The following PEPD variants were observed in gnomAD, a reference collection of about 807,000 sequenced individuals.
The protein encoded by PEPD is peptidase D.
A neutral mutation model predicts 60.7 loss-of-function variants in PEPD; 53 were observed. The observed-to-expected ratio is 0.87, with a 90% CI of 0.70 to 1.10. The LOEUF is 1.10. PEPD is among the 50% of genes least tolerant of loss of function. PEPD has a pLI of 0.00. For synonymous variants in PEPD, 267 were observed against 284.1 expected (o/e 0.94, Z 0.60); for missense variants, 711 against 711.9 (o/e 1.00, Z 0.01).
intron 3 of PEPD, among the ~76,000 whole-genome samples, chr19:33,505,029 G>A (rs1440597103): frequency 6.6e-6 from 1 of 152,214 alleles, no homozygotes; most frequent in East Asian, 1.9e-4. Flanking sequence ...AGCAACTGTG[G>A]GGGCCACGGG....
At chr19:33,479,543 C>T (rs11084737) in intron 6 of PEPD, among the ~76,000 whole-genome samples, 150,757 of 152,254 alleles carry the variant, frequency 0.99, 74,734 homozygotes, top group Middle Eastern at 1. Context: ...AGTTATTTTG[C>T]TATTTTTCCT....
chr19:33,511,558 C>T, intron 2 of PEPD: 3 of 324,550 alleles, frequency 9.2e-6, no homozygotes, highest in South Asian at 7.9e-5. Flanking sequence ...AAATGGATTC[C>T]TCCATTTAAG....
intron 4 of PEPD, 193 bp from the exon 5 acceptor site, chr19:33,493,530 C>CA: frequency 3.0e-6 from 2 of 671,098 alleles, no homozygotes; most frequent in Admixed American, 4.2e-5. Context: ...GAAAGCCACA[C>CA]AGCCATCGAG....
rs1034769840 is a variant in PEPD, at chr19:33,388,192, C to T, written c.1153-111G>A. On this transcript the variant is annotated intron_variant, in intron 13 of 14. Transcript: ENST00000244137. ...GTGCCAGTCTCGTGGGCTCTCTTGA[C>T]CATTGGGGTCCTCAGCCTAGACTCG... The T allele has an allele frequency of 3.3e-6, 3 of 899,584 alleles. No homozygotes were observed. In the African/African-American group the frequency reaches 4.9e-5, roughly 15 times the overall value. 55.7% of individuals were successfully genotyped at this position (899,584 alleles called of 1,614,324 possible).
intron 6 of PEPD, among the ~76,000 whole-genome samples, chr19:33,484,381 C>T (rs1970361542): frequency 6.6e-6 from 1 of 152,230 alleles, no homozygotes; most frequent in South Asian, 2.1e-4. Context: ...CACACGTGCA[C>T]ATGCACACAA....
At chr19:33,410,552 G>C (rs1968740386) in intron 11 of PEPD, among the ~76,000 whole-genome samples, 1 of 152,222 alleles carries the variant, frequency 6.6e-6, no homozygotes, top group South Asian at 2.1e-4. Flanking sequence ...GTCCAGGCCG[G>C]TGAGCAGCCA....
At chr19:33,467,428 T>G (rs1970042077) in intron 7 of PEPD, among the ~76,000 whole-genome samples, 1 of 152,004 alleles carries the variant, frequency 6.6e-6, no homozygotes, top group Non-Finnish European at 1.5e-5. Context: ...ATGGAAATAT[T>G]ACAAACCCTA....
chr19:33,387,954 G>T lies in PEPD; in HGVS notation c.1280C>A (p.Ala427Glu). ...AAGGAAGGAGGCGCGGGCCGGGTCC[G>T]CCAGGGCCTCATCCAGGAGGTGGTC... ...FIDHLLDEAL[A>E]DPARASFLNR... Residue 427 changes from alanine to glutamate, a missense_variant, in exon 14 of 15, where the codon GCG (alanine) becomes GAG (glutamate). By Grantham distance (107) the Ala-to-Glu change is moderately radical (BLOSUM62 -1). Coordinates refer to ENST00000244137, the MANE Select transcript of PEPD (RefSeq NM_000285.4). The T allele has an allele frequency of 6.3e-7, 1 of 1,597,080 alleles. No homozygotes were observed. Among genetic ancestry groups the T allele is most frequent in the Non-Finnish European group, 8.5e-7 (1 of 1,172,652 alleles).
At chr19:33,496,094 G>A (rs777271172) in intron 4 of PEPD, among the ~76,000 whole-genome samples, 11 of 152,188 alleles carry the variant, frequency 7.2e-5, no homozygotes, top group Non-Finnish European at 1.0e-4. Flanking sequence ...TACACATGCC[G>A]GCCCTAGGTG....
chr19:33,486,598 T>C (rs77427037), intron 6 of PEPD, among the ~76,000 whole-genome samples: 13,777 of 152,136 alleles, frequency 0.091, 654 homozygotes, highest in East Asian at 0.13. Flanking sequence ...TGTCCTCTGC[T>C]GTCCCCACAC....
chr19:33,521,657 G>A, intron 1 of PEPD, 87 bp downstream of exon 1: 1 of 1,407,052 alleles, frequency 7.1e-7, no homozygotes, highest in East Asian at 2.5e-5. Context: ...CAGCGACCCC[G>A]GCTGACGCTC....
intron 11 of PEPD, among the ~76,000 whole-genome samples, chr19:33,406,509 G>A (rs1968627777): frequency 6.6e-6 from 1 of 152,230 alleles, no homozygotes; most frequent in South Asian, 2.1e-4. Context: ...GGGCAGGGCT[G>A]GCTGGTGACA....
intron 1 of PEPD, among the ~76,000 whole-genome samples, chr19:33,521,157 A>G (rs1293344422): frequency 6.6e-6 from 1 of 152,236 alleles, no homozygotes; most frequent in Non-Finnish European, 1.5e-5. Context: ...GCACCGGGCT[A>G]CTGAGAAGCA....
chr19:33,499,514 G>C (rs1970668920), intron 4 of PEPD, among the ~76,000 whole-genome samples: 1 of 152,194 alleles, frequency 6.6e-6, no homozygotes, highest in Non-Finnish European at 1.5e-5. Context: ...GACTGGGCAG[G>C]GAAAGAGTGC....
At chr19:33,462,075 C>T (rs76748772) in intron 9 of PEPD, among the ~76,000 whole-genome samples, 4,960 of 152,350 alleles carry the variant, frequency 0.033, 128 homozygotes, top group Non-Finnish European at 0.052. Flanking sequence ...CGACCTCGGC[C>T]CTGCACCCCA....
Position 33,489,978 on chromosome 19 carries a change from T to C in PEPD, c.503+18A>G, listed in dbSNP as rs570799479. ...TGGGGGATGGTGGGGAAAGAGTCCC[T>C]GGGGGCCCAGGACTCACTTGCTGAT... On this transcript the variant is annotated intron_variant, in intron 6 of 14. Coordinates refer to ENST00000244137, the MANE Select transcript of PEPD (RefSeq NM_000285.4). 5.8e-6 allele frequency: 9 copies of C among 1,546,496 alleles called. No homozygotes were observed. Among genetic ancestry groups the C allele is most frequent in the African/African-American group, 4.1e-5 (3 of 73,768 alleles).
At chr19:33,393,139 GGGCTGA>G (rs1325147634) in intron 12 of PEPD, among the ~76,000 whole-genome samples, 2 of 152,124 alleles carry the variant, frequency 1.3e-5, no homozygotes, top group Non-Finnish European at 2.9e-5. Flanking sequence ...AGCCTCCTAG[GGGCTGA>G]GGTGGGGGCG....
At chr19:33,389,290 T>C (rs748561007) in intron 13 of PEPD, among the ~76,000 whole-genome samples, 6 of 152,070 alleles carry the variant, frequency 3.9e-5, no homozygotes, top group Non-Finnish European at 7.4e-5. Flanking sequence ...CCACAACACT[T>C]GCCTCTGGGC....
chr19:33,494,721 C>T (rs758921135), intron 4 of PEPD, among the ~76,000 whole-genome samples: 3 of 152,188 alleles, frequency 2.0e-5, no homozygotes, highest in Non-Finnish European at 4.4e-5. Context: ...GGAGACAGTG[C>T]GGCAAACATG....
Sources: gnomAD v4.1 joint callset for allele counts (sites outside exome capture counted in the v4.1 genomes callset) on GRCh38, gnomAD v4.1.1 for gene constraint, MANE v1.5 for transcripts, NCBI Gene and HGNC (gene_info 2026-07-23, HGNC 2026-07-21) for gene names.